The following TENM2 variants were observed in gnomAD, a reference collection of about 807,000 sequenced individuals.
TENM2 encodes teneurin transmembrane protein 2.
A neutral mutation model predicts 245.2 loss-of-function variants in TENM2; 52 were observed. That is an observed-to-expected ratio of 0.21 (90% CI 0.17 to 0.27). The LOEUF (loss-of-function observed/expected upper bound fraction) is 0.27, where lower values mean the gene tolerates loss of function less well. TENM2 is among the 10% of genes least tolerant of loss of function. The pLI is 1.00. For synonymous variants in TENM2, 1,363 were observed against 1,438.9 expected (o/e 0.95, Z 1.19); for missense variants, 3,046 against 3,666.8 (o/e 0.83, Z 4.37).
At chr5:168,188,921 C>CA (rs1455459525) in intron 13 of TENM2, among the ~76,000 whole-genome samples, 1 of 152,096 alleles carries the variant, frequency 6.6e-6, no homozygotes, top group African/African-American at 2.4e-5. Flanking sequence ...TGGGCTGCTA[C>CA]AACAAAAATA....
At chr5:167,008,821 A>G in the TENM2 span, among the ~76,000 whole-genome samples, 1 of 152,156 alleles carries the variant, frequency 6.6e-6, no homozygotes, top group South Asian at 2.1e-4. Flanking sequence ...TTTGTGAGTC[A>G]TGTATATCGT....
chr5:167,256,434 C>T, the TENM2 span, among the ~76,000 whole-genome samples: 1 of 152,072 alleles, frequency 6.6e-6, no homozygotes. Context: ...TTTAATGGAG[C>T]AATTGTGATA....
chr5:168,155,945 C>T (rs1157248749), intron 12 of TENM2, among the ~76,000 whole-genome samples: 1 of 145,630 alleles, frequency 6.9e-6, no homozygotes, highest in African/African-American at 2.6e-5. Context: ...GGTCTTGTGA[C>T]CATCCCTAAA....
At chr5:168,181,489 A>T (rs550226469) in intron 13 of TENM2, among the ~76,000 whole-genome samples, 3 of 152,226 alleles carry the variant, frequency 2.0e-5, no homozygotes, top group Admixed American at 1.3e-4. Context: ...CCTCTCTGCC[A>T]GATCTCTGGT....
intron 6 of TENM2, among the ~76,000 whole-genome samples, chr5:168,061,330 G>T (rs955682294): frequency 2.6e-5 from 4 of 152,102 alleles, no homozygotes; most frequent in Non-Finnish European, 5.9e-5. Flanking sequence ...GGTTGCAAGG[G>T]AAACCACACT....
At chr5:167,047,118 G>A in the TENM2 span, among the ~76,000 whole-genome samples, 1 of 152,166 alleles carries the variant, frequency 6.6e-6, no homozygotes, top group East Asian at 1.9e-4. Flanking sequence ...TTTTATTTAT[G>A]TATGCTTTAT....
In TENM2 at chr5:167,913,959, C is replaced by T. The variant is rs187529659; in HGVS notation, c.712+37764C>T. Among the ~76,000 whole-genome samples the T allele has an allele frequency of 3.3e-3, 501 of 152,318 alleles. 1 individual carries two copies. The highest frequency in any genetic ancestry group is 6.5e-3 in the Admixed American group (99 of 15,308). On this transcript the variant is annotated intron_variant, in intron 3 of 28. Coordinates refer to ENST00000518659, the Ensembl canonical transcript of TENM2. Reference sequence around the variant, plus strand: ...ATATTAAGTGCTGCTAAGAATGGTGCCTGCGTCTGGTGAGCAATCAATAAA... The same window carrying T: ...ATATTAAGTGCTGCTAAGAATGGTGTCTGCGTCTGGTGAGCAATCAATAAA...
intron 2 of TENM2, among the ~76,000 whole-genome samples, chr5:167,399,850 C>G (rs1413977250): frequency 6.6e-6 from 1 of 151,974 alleles, no homozygotes; most frequent in Non-Finnish European, 1.5e-5. Context: ...TTGGGCCTGG[C>G]TTTGAGCTAG....
At chr5:167,456,363 A>G (rs1037358329) in intron 2 of TENM2, among the ~76,000 whole-genome samples, 2 of 152,214 alleles carry the variant, frequency 1.3e-5, no homozygotes, top group Admixed American at 6.5e-5. Context: ...ATTTACATGT[A>G]GTTGGTATCT....
At chr5:167,122,378 C>T in the TENM2 span, among the ~76,000 whole-genome samples, 387 of 152,192 alleles carry the variant, frequency 2.5e-3, 2 homozygotes, top group African/African-American at 8.3e-3. Context: ...TGCAGGCTGC[C>T]CCATTTGATA....
At chr5:167,585,815 A>G (rs1221795092) in intron 2 of TENM2, among the ~76,000 whole-genome samples, 2 of 152,152 alleles carry the variant, frequency 1.3e-5, no homozygotes, top group Admixed American at 6.5e-5. Flanking sequence ...TAGATTGACA[A>G]TACTGAAAAT....
At chr5:167,178,070 T>A in the TENM2 span, among the ~76,000 whole-genome samples, 180 of 152,326 alleles carry the variant, frequency 1.2e-3, no homozygotes, top group Middle Eastern at 0.01. Context: ...ATTATAAACA[T>A]TTAATTTGGA....
intron 3 of TENM2, among the ~76,000 whole-genome samples, chr5:167,919,084 TG>T (rs1206310164): frequency 1.3e-5 from 2 of 152,228 alleles, no homozygotes; most frequent in African/African-American, 4.8e-5. Context: ...TGCTTTTGTC[TG>T]GGGGCCTCTC....
chr5:167,034,369 G>A, the TENM2 span, among the ~76,000 whole-genome samples: 1 of 152,108 alleles, frequency 6.6e-6, no homozygotes, highest in Non-Finnish European at 1.5e-5. Flanking sequence ...GGTGGCTCAC[G>A]CCTGTAATCC....
chr5:167,346,289 A>G (rs1758453520), intron 1 of TENM2, among the ~76,000 whole-genome samples: 1 of 152,182 alleles, frequency 6.6e-6, no homozygotes, highest in African/African-American at 2.4e-5. Context: ...ATTACAGGTA[A>G]ATGTAACTGT....
chr5:168,244,065 G>C lies in TENM2; in HGVS notation c.5521-355G>C, dbSNP rs1447266686. On this transcript the variant is annotated intron_variant, in intron 25 of 28. Transcript: ENST00000518659. This position sits in a 1 kb window ranked among gnomAD's most constrained non-coding sequence, Gnocchi z 4.9. ...GTGATTCTCCTGCCTCAGCCTCCCA[G>C]TAGCTGGAACTACAGGTGCATGCCA... Among the ~76,000 whole-genome samples the C allele has an allele frequency of 6.6e-6, 1 of 151,040 alleles. No homozygotes were observed. The highest frequency in any genetic ancestry group is 1.5e-5 in the Non-Finnish European group (1 of 67,890).
At chr5:167,824,926 A>G (rs1767833578) in intron 2 of TENM2, among the ~76,000 whole-genome samples, 1 of 152,164 alleles carries the variant, frequency 6.6e-6, no homozygotes, top group Non-Finnish European at 1.5e-5. Flanking sequence ...ACCTCTGCAA[A>G]TAGTCAACAG....
At chr5:167,034,691 A>G in the TENM2 span, among the ~76,000 whole-genome samples, 1 of 151,486 alleles carries the variant, frequency 6.6e-6, no homozygotes, top group Non-Finnish European at 1.5e-5. Flanking sequence ...ATTGGTGTGA[A>G]TTGTTATTAT....
At chr5:167,344,282 G>GCACACA (rs3067278) in intron 1 of TENM2, among the ~76,000 whole-genome samples, 7 of 134,532 alleles carry the variant, frequency 5.2e-5, no homozygotes, top group Non-Finnish European at 1.1e-4. Context: ...GCACGTGCAC[G>GCACACA]CACACACACA....
Sources: gnomAD v4.1 joint callset for allele counts (sites outside exome capture counted in the v4.1 genomes callset) on GRCh38, gnomAD v4.1.1 for gene constraint, Gnocchi (gnomAD v3.1) non-coding constraint, MANE v1.5 for transcripts, NCBI Gene and HGNC (gene_info 2026-07-23, HGNC 2026-07-21) for gene names.